SEPHS1: variants seen among roughly 807,000 people sequenced by gnomAD.
The protein encoded by SEPHS1 is selenophosphate synthetase 1.
In SEPHS1, 7 loss-of-function variants were observed where a neutral mutation model predicts 39.2. The ratio of observed to expected loss-of-function variants is 0.18; its 90% confidence interval spans 0.10 to 0.34. SEPHS1 has a LOEUF of 0.34. Among genes scored for constraint, SEPHS1 ranks in the 10% least tolerant of loss-of-function variants. The pLI, the probability that SEPHS1 is intolerant of heterozygous loss-of-function variation, is 1.00. For missense variants in SEPHS1, 253 were observed against 514.5 expected (o/e 0.49, Z 4.92); for synonymous variants, 190 against 195.5 (o/e 0.97, Z 0.23).
At chr10:13,336,833 C>CTTTGTGCA (rs1833650631) in intron 3 of SEPHS1, among the ~76,000 whole-genome samples, 1 of 152,100 alleles carries the variant, frequency 6.6e-6, no homozygotes, top group Non-Finnish European at 1.5e-5. Context: ...TGGAGATAGT[C>CTTTGTGCA]TTTGTGCACT....
Position 13,318,941 on chromosome 10 carries a change from G to T in SEPHS1, c.*201C>A. ...ATTCTCAACTCAGAAGCTGCCTCAA[G>T]ATTAGGTGCATCTTCAGTTAATGTA... On this transcript the variant is annotated 3_prime_UTR_variant, in exon 9 of 9. Coordinates refer to ENST00000327347, the MANE Select transcript of SEPHS1 (RefSeq NM_012247.5). The T allele has an allele frequency of 1.7e-6, 1 of 572,694 alleles. No homozygotes were observed. The highest frequency in any genetic ancestry group is 3.5e-5 in the Admixed American group (1 of 28,558). 35.5% of individuals were successfully genotyped at this position (572,694 alleles called of 1,614,324 possible).
chr10:13,338,679 A>G (rs1833709030), intron 3 of SEPHS1, 26 bp downstream of exon 3: 1 of 1,573,868 alleles, frequency 6.4e-7, no homozygotes, highest in African/African-American at 1.3e-5. Context: ...CCTTCCAGTC[A>G]CAAAAACACA....
intron 2 of SEPHS1, among the ~76,000 whole-genome samples, chr10:13,341,741 A>G (rs2130693116): frequency 6.9e-6 from 1 of 144,048 alleles, no homozygotes; most frequent in Middle Eastern, 4.6e-3. Context: ...CAGATCACTT[A>G]GAGTCAGGAG....
chr10:13,334,164 G>C (rs1445964953), intron 4 of SEPHS1, among the ~76,000 whole-genome samples, 193 bp from the exon 5 acceptor site: 2 of 152,190 alleles, frequency 1.3e-5, no homozygotes, highest in East Asian at 3.9e-4. Flanking sequence ...TTGGGAGTCC[G>C]AGGTGGGCAG....
chr10:13,332,609 T>C (rs1833505075), intron 5 of SEPHS1, among the ~76,000 whole-genome samples: 1 of 152,120 alleles, frequency 6.6e-6, no homozygotes, highest in Non-Finnish European at 1.5e-5. Context: ...TTTGGGAGGC[T>C]GAGGCGGTCG....
At chr10:13,322,143 CT>C (rs56709546) in intron 8 of SEPHS1, 208,563 of 316,586 alleles carry the variant, frequency 0.66, 56,191 homozygotes, top group African/African-American at 0.81. Context: ...ATTCTCTTTT[CT>C]TTTTTTTTTT....
In SEPHS1 at chr10:13,336,227, G is replaced by C; in HGVS notation, c.405+16C>G. On this transcript the variant is annotated intron_variant, in intron 4 of 8. Coordinates refer to ENST00000327347, the MANE Select transcript of SEPHS1 (RefSeq NM_012247.5). Reference sequence around the variant, plus strand: ...GACAACACGGACCAGGCAGCAGCCGGGTAGCTCCTACTTACCCTGTCGGTC... The same window carrying C: ...GACAACACGGACCAGGCAGCAGCCGCGTAGCTCCTACTTACCCTGTCGGTC... The C allele has an allele frequency of 2.6e-6, 4 of 1,566,348 alleles. No homozygotes were observed. Among genetic ancestry groups the C allele is most frequent in the Non-Finnish European group, 3.5e-6 (4 of 1,137,468 alleles).
intron 4 of SEPHS1, 49 bp downstream of exon 4, chr10:13,336,194 G>T: frequency 1.5e-6 from 2 of 1,321,726 alleles, no homozygotes; most frequent in Non-Finnish European, 2.2e-6. Context: ...GGCCAGAGAT[G>T]CCACCGGGAC....
chr10:13,331,001 C>T (rs1290170316), intron 5 of SEPHS1, among the ~76,000 whole-genome samples: 1 of 152,068 alleles, frequency 6.6e-6, no homozygotes, highest in African/African-American at 2.4e-5. Context: ...CTACCCCCGA[C>T]AGGCCCTGGT....
rs747451158 is a variant in SEPHS1, at chr10:13,344,919, C to T, written c.32G>A (p.Ser11Asn). MSTRESFNPE[S>N]YELDKSFRLT... ...CCGGAAGCTTTTGTCCAATTCGTAACTTTCCGGGTTAAAGGACTCCCGCGT... is the reference window on the plus strand; with the variant it reads ...CCGGAAGCTTTTGTCCAATTCGTAATTTTCCGGGTTAAAGGACTCCCGCGT... Residue 11 changes from serine (S) to asparagine (N), a missense_variant, in exon 2 of 9, where the codon AGT becomes AAT. Around this residue, in one of 4 missense-constraint regions of SEPHS1, gnomAD observed 123 missense variants for 196.8 expected, o/e 0.62. Coordinates refer to ENST00000327347, the MANE Select transcript of SEPHS1 (RefSeq NM_012247.5). 4 of 1,592,528 alleles carry T rather than the reference C, an allele frequency of 2.5e-6. No individual in the cohort carries two copies. In the Admixed American group the frequency reaches 6.9e-5, roughly 28 times the overall value.
At chr10:13,342,598 A>G (rs1011286289) in intron 2 of SEPHS1, among the ~76,000 whole-genome samples, 3 of 152,224 alleles carry the variant, frequency 2.0e-5, no homozygotes, top group Non-Finnish European at 4.4e-5. Flanking sequence ...CAACAACAAA[A>G]AAAAGGTCAA....
intron 3 of SEPHS1, 133 bp from the exon 4 acceptor site, chr10:13,336,483 C>G: frequency 1.4e-6 from 1 of 706,342 alleles, no homozygotes; most frequent in Non-Finnish European, 2.6e-6. Context: ...ATGGGGTCCT[C>G]AGTTTCTATG....
chr10:13,322,435 C>A (rs1833145509), intron 8 of SEPHS1, among the ~76,000 whole-genome samples: 1 of 152,134 alleles, frequency 6.6e-6, no homozygotes, highest in Non-Finnish European at 1.5e-5. Context: ...CAAGAGCCAC[C>A]ACACCTGGCC....
At chr10:13,347,736 C>A (rs973669634) in intron 1 of SEPHS1, among the ~76,000 whole-genome samples, 1 of 146,860 alleles carries the variant, frequency 6.8e-6, no homozygotes, top group African/African-American at 2.5e-5. Context: ...CGCCGCCCTC[C>A]CCTCCGCTCC....
intron 8 of SEPHS1, among the ~76,000 whole-genome samples, chr10:13,320,687 T>C (rs551427910): frequency 3.9e-5 from 6 of 151,910 alleles, no homozygotes; most frequent in African/African-American, 1.4e-4. Context: ...CTAAATTAGC[T>C]GGGCATGATG....
chr10:13,343,318 G>A (rs1226405889), intron 2 of SEPHS1, among the ~76,000 whole-genome samples: 2 of 152,084 alleles, frequency 1.3e-5, no homozygotes, highest in African/African-American at 4.8e-5. Context: ...TTTCTCCACA[G>A]CTTGGCCATC....
At chr10:13,340,820 C>T (rs945695516) in intron 2 of SEPHS1, 10 of 152,202 alleles carry the variant, frequency 6.6e-5, no homozygotes, top group African/African-American at 1.4e-4. Flanking sequence ...CACACCTGTG[C>T]CACCACAGTC....
rs190513759 is a variant in SEPHS1 at position 13,329,838 on chromosome 10, G to A, written c.561-50C>T. 4.3e-5 allele frequency: 60 copies of A among 1,392,376 alleles called. No homozygotes were observed. In the African/African-American group the frequency reaches 7.1e-4, roughly 16 times the overall value. The allele number at this position is 1,392,376 out of a possible 1,614,324, so 86.3% of individuals were successfully genotyped here. A position where few individuals can be genotyped will look rare whatever the true frequency, so the allele number is the denominator to read the frequency against. On this transcript the variant is annotated intron_variant, in intron 5 of 8. Transcript: ENST00000327347. ...CTAGTCAAACTAACCAAGGAGATGA[G>A]CTCATTGTTATTAACACAAGAGAAG...
intron 1 of SEPHS1, among the ~76,000 whole-genome samples, chr10:13,347,793 G>A (rs1833974859): frequency 7.1e-6 from 1 of 141,048 alleles, no homozygotes; most frequent in South Asian, 2.2e-4. Context: ...GGCGGCGGCG[G>A]CGGCGCGGGC....
Sources: gnomAD v4.1 joint callset for allele counts (sites outside exome capture counted in the v4.1 genomes callset) on GRCh38, gnomAD v4.1.1 for gene constraint, gnomAD v4.1.1 regional missense constraint, MANE v1.5 for transcripts, NCBI Gene and HGNC (gene_info 2026-07-23, HGNC 2026-07-21) for gene names.